The following PEPD variants were observed in gnomAD, a reference collection of about 807,000 sequenced individuals.
PEPD encodes the protein xaa-Pro dipeptidase.
In PEPD, 53 loss-of-function variants were observed where a neutral mutation model predicts 60.7. The observed-to-expected ratio is 0.87, with a 90% CI of 0.70 to 1.10. The LOEUF is 1.10. Among genes scored for constraint, PEPD ranks in the 50% least tolerant of loss-of-function variants. The pLI is 0.00. For missense variants in PEPD, 711 were observed against 711.9 expected (o/e 1.00, Z 0.01); for synonymous variants, 267 against 284.1 (o/e 0.94, Z 0.60).
At chr19:33,419,458 C>T (rs896480895) in intron 9 of PEPD, among the ~76,000 whole-genome samples, 1 of 152,228 alleles carries the variant, frequency 6.6e-6, no homozygotes, top group Non-Finnish European at 1.5e-5. Context: ...GAGGGATCTT[C>T]CCACTGCACA....
At chr19:33,475,434 G>C (rs1032770924) in intron 7 of PEPD, among the ~76,000 whole-genome samples, 1 of 151,822 alleles carries the variant, frequency 6.6e-6, no homozygotes, top group African/African-American at 2.4e-5. Context: ...GAGTGACTGG[G>C]ACCCAGGCTA....
rs114493602 is a variant in PEPD at position 33,390,725 on chromosome 19, C to G, written c.1152+570G>C. Among the ~76,000 whole-genome samples, 656 of 152,358 alleles carry G rather than the reference C, an allele frequency of 4.3e-3. 6 individuals are homozygous for G. Among genetic ancestry groups the G allele is most frequent in the African/African-American group, 0.015 (632 of 41,590 alleles). Reference sequence around the variant, plus strand: ...ACCTTGTCTGGAGATGGCCCCCAGCCTCCCTTATCTGCCAACGGGCCCCAG... The same window carrying G: ...ACCTTGTCTGGAGATGGCCCCCAGCGTCCCTTATCTGCCAACGGGCCCCAG... On this transcript the variant is annotated intron_variant, in intron 13 of 14. Transcript: ENST00000244137.
chr19:33,388,105 C>A (rs910522852), intron 13 of PEPD, 24 bp from the exon 14 acceptor site: 3 of 1,539,572 alleles, frequency 1.9e-6, no homozygotes, highest in African/African-American at 1.4e-5. Flanking sequence ...AGGTGAGGGG[C>A]CTGATGAGCA....
At chr19:33,492,657 C>T (rs919412852) in intron 5 of PEPD, among the ~76,000 whole-genome samples, 1 of 152,136 alleles carries the variant, frequency 6.6e-6, no homozygotes, top group African/African-American at 2.4e-5. Context: ...TATTTTGGTA[C>T]CCATTAAACT....
intron 3 of PEPD, among the ~76,000 whole-genome samples, chr19:33,510,288 G>C (rs763031651): frequency 7.9e-5 from 12 of 152,238 alleles, no homozygotes; most frequent in Non-Finnish European, 1.5e-4. Flanking sequence ...GTTTTAAGGA[G>C]CGGAGAGTTT....
At chr19:33,494,292 G>GA (rs1365523731) in intron 4 of PEPD, among the ~76,000 whole-genome samples, 1 of 152,184 alleles carries the variant, frequency 6.6e-6, no homozygotes, top group African/African-American at 2.4e-5. Context: ...AACGCAGGGG[G>GA]AGAGTGAGGA....
At chr19:33,410,385 C>A (rs889770665) in intron 11 of PEPD, among the ~76,000 whole-genome samples, 1 of 152,184 alleles carries the variant, frequency 6.6e-6, no homozygotes, top group African/African-American at 2.4e-5. Flanking sequence ...TGTGTTCCTG[C>A]AAATACTCGG....
chr19:33,500,230 C>T (rs1162721011), intron 4 of PEPD, among the ~76,000 whole-genome samples: 1 of 152,230 alleles, frequency 6.6e-6, no homozygotes, highest in Non-Finnish European at 1.5e-5. Flanking sequence ...AGGGCCAGAG[C>T]ACAGAGGCCT....
At chr19:33,445,728 A>T (rs976889487) in intron 9 of PEPD, among the ~76,000 whole-genome samples, 1 of 152,196 alleles carries the variant, frequency 6.6e-6, no homozygotes, top group Admixed American at 6.5e-5. Context: ...TTCAGGCCAG[A>T]GGGTGGAAGA....
intron 9 of PEPD, among the ~76,000 whole-genome samples, chr19:33,422,010 A>C (rs558834167): frequency 3.4e-4 from 51 of 151,922 alleles, no homozygotes; most frequent in African/African-American, 1.2e-3. Flanking sequence ...TCCACAACTT[A>C]AGTAGAATCA....
intron 9 of PEPD, among the ~76,000 whole-genome samples, chr19:33,459,332 G>A (rs941834607): frequency 2.0e-5 from 3 of 152,154 alleles, no homozygotes; most frequent in East Asian, 3.9e-4. Context: ...CATACACATC[G>A]CGTTATTAAT....
chr19:33,410,706 G>A (rs958721582), intron 11 of PEPD, among the ~76,000 whole-genome samples: 1 of 152,190 alleles, frequency 6.6e-6, no homozygotes, highest in Non-Finnish European at 1.5e-5. Flanking sequence ...AGGCTTGTTC[G>A]GGTGCATCTG....
Position 33,521,724 on chromosome 19 carries a change from G to T in PEPD, c.17+20C>A, listed in dbSNP as rs1016534909. 8 of 1,579,576 alleles carry T rather than the reference G, an allele frequency of 5.1e-6. No individual in the cohort carries two copies. The South Asian group carries it at 6.9e-5, about 14-fold the overall frequency. On this transcript the variant is annotated intron_variant, in intron 1 of 14. Transcript: ENST00000244137. ...CCTCTCCACGCCAGCGGGAAAGAGCGAGGGAGGCGCAGCACTCACCCGGTG... is the reference window on the plus strand; with the variant it reads ...CCTCTCCACGCCAGCGGGAAAGAGCTAGGGAGGCGCAGCACTCACCCGGTG...
chr19:33,395,291 C>T (rs1600079410), intron 12 of PEPD: 1 of 152,504 alleles, frequency 6.6e-6, no homozygotes, highest in East Asian at 1.9e-4. Flanking sequence ...GACCTCTGGG[C>T]CTTGCAAGGG....
intron 7 of PEPD, among the ~76,000 whole-genome samples, chr19:33,469,672 G>C (rs1970087475): frequency 6.6e-6 from 1 of 151,990 alleles, no homozygotes; most frequent in South Asian, 2.1e-4. Flanking sequence ...AAGCTCCATG[G>C]CCACCGAAAC....
At chr19:33,421,746 C>T (rs914573680) in intron 9 of PEPD, among the ~76,000 whole-genome samples, 15 of 152,098 alleles carry the variant, frequency 9.9e-5, no homozygotes, top group Admixed American at 1.3e-4. Flanking sequence ...CCTCCCACCT[C>T]GGCCTCCCAA....
intron 1 of PEPD, among the ~76,000 whole-genome samples, chr19:33,514,227 C>T (rs1970985738): frequency 6.6e-6 from 1 of 152,112 alleles, no homozygotes; most frequent in Admixed American, 6.5e-5. Context: ...GCACGGAGGT[C>T]AAGGAGGCAG....
intron 9 of PEPD, among the ~76,000 whole-genome samples, chr19:33,428,638 C>T (rs561058956): frequency 1.1e-4 from 17 of 152,232 alleles, no homozygotes; most frequent in Non-Finnish European, 2.1e-4. Context: ...GCTTCTCCCA[C>T]CTCTCACCAC....
At chr19:33,494,799 C>T (rs1268414299) in intron 4 of PEPD, among the ~76,000 whole-genome samples, 5 of 152,190 alleles carry the variant, frequency 3.3e-5, no homozygotes, top group African/African-American at 7.2e-5. Flanking sequence ...AAAATAACAG[C>T]GCAGCCCAGA....
Sources: gnomAD v4.1 joint callset for allele counts (sites outside exome capture counted in the v4.1 genomes callset) on GRCh38, gnomAD v4.1.1 for gene constraint, MANE v1.5 for transcripts, NCBI Gene and HGNC (gene_info 2026-07-23, HGNC 2026-07-21) for gene names.